Variants in KIAA1328 observed in about 807,000 individuals in gnomAD.
KIAA1328 encodes the protein KIAA1328.
Under a neutral mutation model 68.1 loss-of-function variants are expected in KIAA1328, and 52 were observed. The observed-to-expected ratio is 0.76, with a 90% CI of 0.61 to 0.96. The LOEUF (loss-of-function observed/expected upper bound fraction) is 0.96, where lower values mean the gene tolerates loss of function less well. Among genes scored for constraint, KIAA1328 ranks in the 40% least tolerant of loss-of-function variants. The pLI is 0.00. For missense variants in KIAA1328, 641 were observed against 677.6 expected, an observed-to-expected ratio of 0.95 and a Z score of 0.60; for synonymous variants, 232 against 239.4, an observed-to-expected ratio of 0.97 and a Z score of 0.28.
At chr18:37,179,877 C>T (rs1388074183) in intron 9 of KIAA1328, among the ~76,000 whole-genome samples, 3 of 151,992 alleles carry the variant, frequency 2.0e-5, no homozygotes. Context: ...GGGTTATAAA[C>T]CAAGGCTTTA....
intron 2 of KIAA1328, 84 bp from the exon 3 acceptor site, chr18:36,835,150 G>C: frequency 8.5e-7 from 1 of 1,182,376 alleles, no homozygotes; most frequent in Non-Finnish European, 1.2e-6. Context: ...CCTTAAAGTA[G>C]AGGATTCCAA....
intron 7 of KIAA1328, among the ~76,000 whole-genome samples, chr18:37,098,818 G>A (rs1027830933): frequency 1.8e-4 from 28 of 152,104 alleles, no homozygotes; most frequent in African/African-American, 3.9e-4. Flanking sequence ...TGTATGTGTC[G>A]AGGAATTTAT....
Position 36,906,527 on chromosome 18 carries a change from ATTTGTT to A in KIAA1328, c.448+20859_448+20864del, listed in dbSNP as rs755644747. ...ATATTTTTTCATTGCCTAATATTTC[ATTTGTT>A]TTTAAGAGTGAATAATAGTCCATTA... On this transcript the variant is annotated intron_variant, in intron 5 of 9. Transcript: ENST00000280020. Among the ~76,000 whole-genome samples, 76 of 152,042 alleles carry A rather than the reference ATTTGTT, an allele frequency of 5.0e-4. 1 individual carries two copies. The highest frequency in any genetic ancestry group is 9.9e-4 in the Non-Finnish European group (67 of 67,962).
chr18:37,202,360 T>A (rs1255597606), intron 9 of KIAA1328, among the ~76,000 whole-genome samples: 3 of 152,204 alleles, frequency 2.0e-5, no homozygotes, highest in Non-Finnish European at 4.4e-5. Flanking sequence ...ACCCATCAGT[T>A]TGTTGTAGTT....
chr18:36,829,138 G>A lies in KIAA1328; in HGVS notation c.-1G>A, dbSNP rs568223327. 5.9e-6 allele frequency: 9 copies of A among 1,534,312 alleles called. No individual in the cohort carries two copies. The highest frequency in any genetic ancestry group is 1.8e-4 in the Middle Eastern group (1 of 5,498). On this transcript the variant is annotated 5_prime_UTR_variant, in exon 1 of 10. Transcript: ENST00000280020. Reference sequence around the variant, plus strand: ...ACGCCCCGAGTGGCGGTTGTTTCAAGATGGCGGACGTGGCGGGCCCCTCCC... The same window carrying A: ...ACGCCCCGAGTGGCGGTTGTTTCAAAATGGCGGACGTGGCGGGCCCCTCCC...
In KIAA1328 at chr18:37,098,504, A is replaced by G. The variant is rs145009309; in HGVS notation, c.1232+30959A>G. On this transcript the variant is annotated intron_variant, in intron 7 of 9. Transcript: ENST00000280020. ...TATTTTATTGAGGATTTTTGCATTG[A>G]TGTTCATGAGGTATATTGGTCTAAA... Among the ~76,000 whole-genome samples, 1,399 of 152,194 alleles carry G rather than the reference A, an allele frequency of 9.2e-3. 9 individuals are homozygous for G. Among genetic ancestry groups the G allele is most frequent in the Admixed American group, 0.014 (214 of 15,288 alleles).
chr18:36,968,530 A>G (rs192323931), intron 6 of KIAA1328, among the ~76,000 whole-genome samples: 6 of 152,170 alleles, frequency 3.9e-5, no homozygotes, highest in Non-Finnish European at 7.4e-5. Flanking sequence ...AAGATCAAAA[A>G]AGACAAAGAA....
intron 7 of KIAA1328, chr18:37,084,476 GTTTTTTTT>G (rs1174581418): frequency 3.8e-5 from 5 of 130,252 alleles, no homozygotes; most frequent in Non-Finnish European, 6.1e-5. Context: ...TTTGTTTTTT[GTTTTTTTT>G]TTTTTTTTGG....
downstream of KIAA1328, chr18:37,230,668 T>C (rs1214038672): frequency 6.6e-6 from 1 of 152,186 alleles, no homozygotes; most frequent in Non-Finnish European, 1.5e-5. Context: ...AACAATTCTG[T>C]GGCCCCAAAG....
intron 9 of KIAA1328, among the ~76,000 whole-genome samples, chr18:37,189,026 T>A (rs1035985603): frequency 6.6e-6 from 1 of 152,214 alleles, no homozygotes; most frequent in Non-Finnish European, 1.5e-5. Flanking sequence ...AGTAAAAATC[T>A]GTTGGCAAAA....
intron 6 of KIAA1328, among the ~76,000 whole-genome samples, chr18:37,005,220 C>T (rs2053735191): frequency 6.6e-6 from 1 of 151,838 alleles, no homozygotes; most frequent in African/African-American, 2.4e-5. Context: ...CCCCTGTTTT[C>T]CCCAAAACCT....
chr18:36,856,420 G>C (rs2047385234), intron 4 of KIAA1328, among the ~76,000 whole-genome samples: 1 of 152,054 alleles, frequency 6.6e-6, no homozygotes, highest in Non-Finnish European at 1.5e-5. Flanking sequence ...CAAGTTTGCT[G>C]ATTGTTTCTT....
chr18:37,033,691 T>G (rs1371942961), intron 6 of KIAA1328, among the ~76,000 whole-genome samples: 1 of 152,214 alleles, frequency 6.6e-6, no homozygotes, highest in Non-Finnish European at 1.5e-5. Context: ...TCTGTGCTGA[T>G]TACTCAACTG....
At chr18:37,043,827 C>T (rs1443803624) in intron 6 of KIAA1328, among the ~76,000 whole-genome samples, 2 of 152,148 alleles carry the variant, frequency 1.3e-5, no homozygotes, top group Non-Finnish European at 2.9e-5. Flanking sequence ...ATATAGGAAG[C>T]TTATCAAGAC....
intron 4 of KIAA1328, among the ~76,000 whole-genome samples, chr18:36,855,105 T>C (rs11664715): frequency 0.14 from 20,718 of 152,264 alleles, 1,753 homozygotes; most frequent in Admixed American, 0.18. Context: ...TGTATGGTGC[T>C]GTTATGAACA....
intron 4 of KIAA1328, among the ~76,000 whole-genome samples, chr18:36,881,934 A>G (rs1003881512): frequency 1.3e-5 from 2 of 152,144 alleles, no homozygotes; most frequent in Non-Finnish European, 2.9e-5. Flanking sequence ...TTATGTGGAC[A>G]TATGTTTTCA....
At position 36,844,235 on chromosome 18, in the gene KIAA1328, G is replaced by A. The variant is rs753280350; in HGVS notation, c.265G>A (p.Ala89Thr). 1 of 1,603,268 alleles carries A rather than the reference G, an allele frequency of 6.2e-7. No individual in the cohort carries two copies. The highest frequency in any genetic ancestry group is 1.7e-5 in the Admixed American group (1 of 58,812). Residue 89 changes from alanine (A) to threonine (T), a missense_variant, in exon 4 of 10, where the codon GCA becomes ACA. Ala to Thr is a moderately conservative substitution (Grantham distance 58). Transcript: ENST00000280020. ...TTCCTGCAGGGGAGAAATAAAGAGT[G>A]CATCATTGAAGGATTTATGTCTTGA... ...QNSCRGEIKSASLKDLCLEDK... is the reference protein window; with the variant it reads ...QNSCRGEIKSTSLKDLCLEDK...
At chr18:37,138,512 A>C (rs1413258461) in intron 7 of KIAA1328, among the ~76,000 whole-genome samples, 2 of 152,180 alleles carry the variant, frequency 1.3e-5, no homozygotes, top group Non-Finnish European at 2.9e-5. Context: ...TAAATTAATC[A>C]CTATGATGGT....
downstream of KIAA1328, among the ~76,000 whole-genome samples, chr18:37,226,381 A>G (rs1599646565): frequency 6.6e-6 from 1 of 152,218 alleles, no homozygotes; most frequent in East Asian, 1.9e-4. Flanking sequence ...ATATTCACAG[A>G]GTTGCCTCCA....
Sources: allele counts gnomAD v4.1 joint callset (sites outside exome capture counted in the v4.1 genomes callset), GRCh38; gene constraint gnomAD v4.1.1; transcripts MANE v1.5; gene names NCBI Gene and HGNC (gene_info 2026-07-23, HGNC 2026-07-21).